Variants in NXPH1 observed in about 807,000 individuals in gnomAD.
NXPH1 encodes the protein neurexophilin-1.
Under a neutral mutation model 23.7 loss-of-function variants are expected in NXPH1, and 5 were observed. The observed-to-expected ratio is 0.21, with a 90% CI of 0.11 to 0.44. The LOEUF is 0.44. Ranked by LOEUF, NXPH1 falls within the 20% of genes least tolerant of loss-of-function variation. NXPH1 has a pLI of 0.99. For synonymous variants in NXPH1, 144 were observed against 122.2 expected, an observed-to-expected ratio of 1.18 and a Z score of -1.18; for missense variants, 324 against 321.6, an observed-to-expected ratio of 1.01 and a Z score of -0.06.
At chr7:8,457,614 G>C (rs1004234703) in intron 2 of NXPH1, among the ~76,000 whole-genome samples, 3 of 149,040 alleles carry the variant, frequency 2.0e-5, no homozygotes, top group Non-Finnish European at 4.4e-5. Flanking sequence ...CAACTTCATT[G>C]GTCCATTTGG....
chr7:8,499,674 C>T (rs1817398407), intron 2 of NXPH1, among the ~76,000 whole-genome samples: 1 of 152,094 alleles, frequency 6.6e-6, no homozygotes, highest in African/African-American at 2.4e-5. Context: ...GTGGGAAACT[C>T]ACCAAGTCAG....
At chr7:8,493,186 A>T (rs1240240146) in intron 2 of NXPH1, among the ~76,000 whole-genome samples, 1 of 151,752 alleles carries the variant, frequency 6.6e-6, no homozygotes, top group African/African-American at 2.4e-5. Flanking sequence ...ATATTATGGG[A>T]TTTTCTGCCC....
intron 2 of NXPH1, among the ~76,000 whole-genome samples, chr7:8,640,665 C>G (rs1265976110): frequency 6.6e-6 from 1 of 152,092 alleles, no homozygotes; most frequent in Non-Finnish European, 1.5e-5. Context: ...GAAGTTCTAT[C>G]AGAAATCCTG....
chr7:8,461,778 T>C lies in NXPH1; in HGVS notation c.54+26011T>C, dbSNP rs574309806. Reference sequence around the variant, plus strand: ...CCGGGAGGCGGAGCTTGCAGTGAGCTGAGATCGCGCCACTGCAGTCCGCAG... The same window carrying C: ...CCGGGAGGCGGAGCTTGCAGTGAGCCGAGATCGCGCCACTGCAGTCCGCAG... On this transcript the variant is annotated intron_variant, in intron 2 of 2. Coordinates refer to ENST00000405863, the MANE Select transcript of NXPH1 (RefSeq NM_152745.3). 1.9e-3 allele frequency among the ~76,000 whole-genome samples: 260 copies of C among 139,050 alleles called. 2 individuals are homozygous for C. Among genetic ancestry groups the C allele is most frequent in the African/African-American group, 6.8e-3 (239 of 35,220 alleles). 91.2% of individuals were successfully genotyped at this position (139,050 alleles called of 152,430 possible).
At chr7:8,565,641 A>G (rs1210050615) in intron 2 of NXPH1, among the ~76,000 whole-genome samples, 1 of 151,852 alleles carries the variant, frequency 6.6e-6, no homozygotes, top group African/African-American at 2.4e-5. Context: ...AAATATTGAA[A>G]TATTTTGACT....
chr7:8,481,371 A>C (rs1372250035), intron 2 of NXPH1, among the ~76,000 whole-genome samples: 2 of 152,206 alleles, frequency 1.3e-5, no homozygotes, highest in African/African-American at 4.8e-5. Flanking sequence ...GTATAGAAAA[A>C]TCTTGGGAAA....
At chr7:8,635,262 G>T (rs988509279) in intron 2 of NXPH1, among the ~76,000 whole-genome samples, 43 of 152,156 alleles carry the variant, frequency 2.8e-4, no homozygotes, top group African/African-American at 1.0e-3. Flanking sequence ...CAGGCTGAAG[G>T]CACAATTCTT....
At chr7:8,615,046 C>A (rs552986557) in intron 2 of NXPH1, among the ~76,000 whole-genome samples, 1 of 152,138 alleles carries the variant, frequency 6.6e-6, no homozygotes, top group African/African-American at 2.4e-5. Context: ...TAATTCTCAT[C>A]TCTTCTTTCT....
chr7:8,451,660 T>C (rs975288511), intron 2 of NXPH1, among the ~76,000 whole-genome samples: 1 of 152,252 alleles, frequency 6.6e-6, no homozygotes, highest in Non-Finnish European at 1.5e-5. Flanking sequence ...GAGAGAATAC[T>C]TCTCTGTTTA....
chr7:8,703,157 C>G (rs1033499805), intron 2 of NXPH1, among the ~76,000 whole-genome samples: 1 of 152,090 alleles, frequency 6.6e-6, no homozygotes, highest in Non-Finnish European at 1.5e-5. Flanking sequence ...CCTCATCATA[C>G]TTCCTTAGAG....
chr7:8,529,813 G>T (rs188051121), intron 2 of NXPH1, among the ~76,000 whole-genome samples: 1 of 152,056 alleles, frequency 6.6e-6, no homozygotes, highest in African/African-American at 2.4e-5. Context: ...TAAAAAAAAT[G>T]GTCCAGAGTA....
chr7:8,673,406 A>G (rs556831699), intron 2 of NXPH1, among the ~76,000 whole-genome samples: 24 of 152,292 alleles, frequency 1.6e-4, no homozygotes, highest in Middle Eastern at 3.4e-3. Flanking sequence ...AGAGGCCACT[A>G]TGAAGAAATA....
intron 2 of NXPH1, among the ~76,000 whole-genome samples, chr7:8,642,859 T>C (rs1444955878): frequency 6.6e-6 from 1 of 151,504 alleles, no homozygotes; most frequent in African/African-American, 2.4e-5. Flanking sequence ...CTTTTTTTTT[T>C]CCTTTTTCTT....
rs554983543 is a variant in NXPH1 at position 8,579,929 on chromosome 7, C to T, written c.54+144162C>T. Among the ~76,000 whole-genome samples, 10 of 152,196 alleles carry T rather than the reference C, an allele frequency of 6.6e-5. 1 individual carries two copies. Among genetic ancestry groups the T allele is most frequent in the African/African-American group, 2.4e-4 (10 of 41,540 alleles). On this transcript the variant is annotated intron_variant, in intron 2 of 2. Transcript: ENST00000405863. Reference sequence around the variant, plus strand: ...TGCATTGAATGCCTCTGGCTTCAGACCTACAGAGAAAAAGCAAAGTCTTTA... The same window carrying T: ...TGCATTGAATGCCTCTGGCTTCAGATCTACAGAGAAAAAGCAAAGTCTTTA...
rs57515687 is a variant in NXPH1 at position 8,582,223 on chromosome 7, C to G, written c.54+146456C>G. 8.7e-3 allele frequency among the ~76,000 whole-genome samples: 1,327 copies of G among 152,320 alleles called. 26 individuals carry two copies. The highest frequency in any genetic ancestry group is 0.071 in the East Asian group (366 of 5,168). Reference sequence around the variant, plus strand: ...GCCGGGAATCACAGAGCCCCAAAGACAGTGTCATAGCCCTGGCTCTGAGAG... The same window carrying G: ...GCCGGGAATCACAGAGCCCCAAAGAGAGTGTCATAGCCCTGGCTCTGAGAG... On this transcript the variant is annotated intron_variant, in intron 2 of 2. Coordinates refer to ENST00000405863, the MANE Select transcript of NXPH1 (RefSeq NM_152745.3).
At chr7:8,486,185 C>G (rs1161678598) in intron 2 of NXPH1, among the ~76,000 whole-genome samples, 1 of 152,166 alleles carries the variant, frequency 6.6e-6, no homozygotes, top group Non-Finnish European at 1.5e-5. Flanking sequence ...TTCCCTCCTT[C>G]TGAAGGAAGA....
chr7:8,546,770 T>A (rs1818203092), intron 2 of NXPH1, among the ~76,000 whole-genome samples: 1 of 151,410 alleles, frequency 6.6e-6, no homozygotes, highest in Non-Finnish European at 1.5e-5. Context: ...GAACTGTCAA[T>A]TAGTATCTGC....
chr7:8,665,331 A>G (rs566657105), intron 2 of NXPH1, among the ~76,000 whole-genome samples: 2 of 152,184 alleles, frequency 1.3e-5, no homozygotes, highest in Non-Finnish European at 2.9e-5. Context: ...AATTAACCAT[A>G]GATACATGGA....
intron 2 of NXPH1, among the ~76,000 whole-genome samples, chr7:8,453,871 C>G (rs1177922645): frequency 6.6e-6 from 1 of 152,042 alleles, no homozygotes; most frequent in African/African-American, 2.4e-5. Context: ...GTGTATAGTG[C>G]TTCAGTGAAC....
Sources: gnomAD v4.1 joint callset for allele counts (sites outside exome capture counted in the v4.1 genomes callset) on GRCh38, gnomAD v4.1.1 for gene constraint, MANE v1.5 for transcripts, NCBI Gene and HGNC (gene_info 2026-07-23, HGNC 2026-07-21) for gene names.